The following PAGE2B variants were observed in gnomAD, a reference collection of about 807,000 sequenced individuals.
PAGE2B encodes putative G antigen family E member 3.
A neutral mutation model predicts 7.6 loss-of-function variants in PAGE2B; 5 were observed. The observed-to-expected ratio is 0.66, with a 90% CI of 0.34 to 1.38. The LOEUF (loss-of-function observed/expected upper bound fraction) is 1.38. Among genes scored for constraint, PAGE2B ranks in the 40% most tolerant of loss-of-function variants. PAGE2B has a pLI of 0.04. For missense variants in PAGE2B, 70 were observed against 78.4 expected, an observed-to-expected ratio of 0.89 and a Z score of 0.41; for synonymous variants, 29 against 26.7, an observed-to-expected ratio of 1.09 and a Z score of -0.27.
the PAGE2B span, among the ~76,000 whole-genome samples, chrX:55,033,421 T>C: frequency 9.0e-6 from 1 of 111,573 alleles, no homozygotes; most frequent in African/African-American, 3.3e-5. Flanking sequence ...TCCTCTCCTT[T>C]AGAGGAAAAT....
chrX:55,050,512 TTTAGGATAG>T, the PAGE2B span, among the ~76,000 whole-genome samples: 2 of 110,457 alleles, frequency 1.8e-5, no homozygotes, highest in Admixed American at 1.9e-4. Context: ...TGCATGTATA[TTTAGGATAG>T]TTAGCTCTTC....
the PAGE2B span, among the ~76,000 whole-genome samples, chrX:55,069,525 C>T: frequency 9.0e-6 from 1 of 110,556 alleles, no homozygotes; most frequent in African/African-American, 3.3e-5. Flanking sequence ...GTTTCTCTGC[C>T]AGGCTTTGGT....
In PAGE2B at chrX:55,076,477, A is replaced by G. The variant is rs1936520339; in HGVS notation, c.85-92A>G. 6 of 846,299 alleles carry G rather than the reference A, an allele frequency of 7.1e-6. No individual in the cohort carries two copies. In the Admixed American group the frequency reaches 1.5e-4, roughly 21 times the overall value. The allele number at this position is 846,299 out of a possible 1,213,427, so 69.7% of individuals were successfully genotyped here. ...ATATATATGTGTTTATATATGTTGGAAAAATGTCTTTAGATGTGTGATTCG... is the reference window on the plus strand; with the variant it reads ...ATATATATGTGTTTATATATGTTGGGAAAATGTCTTTAGATGTGTGATTCG... On this transcript the variant is annotated intron_variant, in intron 2 of 4. Coordinates refer to ENST00000374971, the MANE Select transcript of PAGE2B (RefSeq NM_001015038.3).
chrX:55,053,252 CA>C, the PAGE2B span, among the ~76,000 whole-genome samples: 2 of 111,735 alleles, frequency 1.8e-5, no homozygotes, highest in Admixed American at 1.9e-4. Flanking sequence ...CCATCATCCT[CA>C]GCAAACTAAC....
chrX:55,041,213 C>T, the PAGE2B span, among the ~76,000 whole-genome samples: 2 of 106,951 alleles, frequency 1.9e-5, no homozygotes, highest in Non-Finnish European at 3.8e-5. Context: ...TCCTGAGTAG[C>T]TGGGACTACA....
chrX:55,067,057 A>T, the PAGE2B span, among the ~76,000 whole-genome samples: 5 of 109,301 alleles, frequency 4.6e-5, no homozygotes, highest in South Asian at 1.6e-3. Flanking sequence ...AGGTTCTATT[A>T]TGCTTTGTTT....
chrX:55,049,527 A>G, the PAGE2B span, among the ~76,000 whole-genome samples: 1 of 111,414 alleles, frequency 9.0e-6, no homozygotes, highest in African/African-American at 3.3e-5. Context: ...TTCCTGGTTT[A>G]GTCTTGGGAG....
chrX:55,055,367 A>T, the PAGE2B span: 2 of 109,678 alleles, frequency 1.8e-5, no homozygotes, highest in Non-Finnish European at 3.8e-5. Flanking sequence ...GAAAAAAAAA[A>T]AAAAAGTATA....
At chrX:55,042,635 C>T in the PAGE2B span, among the ~76,000 whole-genome samples, 1 of 64,121 alleles carries the variant, frequency 1.6e-5, no homozygotes, top group Admixed American at 2.8e-4. Flanking sequence ...GCCTGGGCGA[C>T]AGAGCGAGAC....
At chrX:55,055,978 T>A in the PAGE2B span, 1 of 111,000 alleles carries the variant, frequency 9.0e-6, no homozygotes, top group East Asian at 2.8e-4. Flanking sequence ...TCTGTGGATA[T>A]GAGTGATGTT....
the PAGE2B span, among the ~76,000 whole-genome samples, chrX:55,062,553 G>T: frequency 9.0e-6 from 1 of 111,271 alleles, no homozygotes; most frequent in Non-Finnish European, 1.9e-5. Context: ...GTGGGTTGCC[G>T]CTTCACTTTG....
rs144784365 is a variant in PAGE2B at position 55,076,495 on chromosome X, G to A, written c.85-74G>A. 0.014 allele frequency: 12,865 copies of A among 937,462 alleles called. 606 individuals carry two copies. In the African/African-American group the frequency reaches 0.2, roughly 14 times the overall value. The allele number at this position is 937,462 out of a possible 1,213,427, so 77.3% of individuals were successfully genotyped here. ...ATGTTGGAAAAATGTCTTTAGATGT[G>A]TGATTCGATGCACATATGCATTTGT... On this transcript the variant is annotated intron_variant, in intron 2 of 4. Transcript: ENST00000374971.
the PAGE2B span, among the ~76,000 whole-genome samples, chrX:55,047,001 A>G: frequency 9.0e-6 from 1 of 111,453 alleles, no homozygotes; most frequent in African/African-American, 3.3e-5. Context: ...ATATGTATAC[A>G]TGTGCCATGT....
chrX:55,066,151 C>T, the PAGE2B span, among the ~76,000 whole-genome samples: 1 of 111,922 alleles, frequency 8.9e-6, no homozygotes, highest in African/African-American at 3.2e-5. Flanking sequence ...AGTGCAATGG[C>T]ATGATCTCGG....
At chrX:55,075,792 G>T (rs113299695) in intron 1 of PAGE2B, among the ~76,000 whole-genome samples, 1 of 111,090 alleles carries the variant, frequency 9.0e-6, no homozygotes, top group African/African-American at 3.3e-5. Context: ...AAACCAAAAC[G>T]CAGAAATGTC....
upstream of PAGE2B, among the ~76,000 whole-genome samples, chrX:55,071,293 C>T (rs1434301577): frequency 1.3e-4 from 14 of 110,993 alleles, no homozygotes; most frequent in Admixed American, 9.6e-5. Flanking sequence ...GATTTCGTTT[C>T]TCCTTCTCTT....
chrX:55,077,294 G>T, intron 3 of PAGE2B, 105 bp from the exon 4 acceptor site: 1 of 1,131,877 alleles, frequency 8.8e-7, no homozygotes, highest in East Asian at 3.1e-5. Flanking sequence ...GAAATAATTA[G>T]CCTACAGGTT....
At chrX:55,059,981 T>C in the PAGE2B span, among the ~76,000 whole-genome samples, 3 of 111,385 alleles carry the variant, frequency 2.7e-5, no homozygotes, top group Admixed American at 2.9e-4. Context: ...TAGTATTCCA[T>C]TGTGTGTGCC....
At chrX:55,056,536 G>A in the PAGE2B span, among the ~76,000 whole-genome samples, 2 of 111,063 alleles carry the variant, frequency 1.8e-5, no homozygotes, top group African/African-American at 6.5e-5. Context: ...GATGGGATAA[G>A]GGTCACAGAG....
Sources: allele counts gnomAD v4.1 joint callset (sites outside exome capture counted in the v4.1 genomes callset), GRCh38; gene constraint gnomAD v4.1.1; transcripts MANE v1.5; gene names NCBI Gene and HGNC (gene_info 2026-07-23, HGNC 2026-07-21).